CATSPERB: variants seen among roughly 807,000 people sequenced by gnomAD.
CATSPERB encodes the protein catsper channel auxiliary subunit beta, also known as cation channel sperm-associated auxiliary subunit beta.
In CATSPERB, 93 loss-of-function variants were observed where a neutral mutation model predicts 128.3. That is an observed-to-expected ratio of 0.72 (90% CI 0.61 to 0.86). The LOEUF (loss-of-function observed/expected upper bound fraction) is 0.86. Ranked by LOEUF, CATSPERB falls within the 40% of genes least tolerant of loss-of-function variation. CATSPERB has a pLI of 0.00. For missense variants in CATSPERB, 1,153 were observed against 1,329.5 expected, an observed-to-expected ratio of 0.87 and a Z score of 2.06; for synonymous variants, 381 against 448.8, an observed-to-expected ratio of 0.85 and a Z score of 1.91.
intron 15 of CATSPERB, among the ~76,000 whole-genome samples, chr14:91,640,565 G>C: frequency 1.0e-5 from 1 of 99,352 alleles, no homozygotes; most frequent in African/African-American, 4.1e-5. Flanking sequence ...CCCTACAAAG[G>C]ACATGAACTC....
chr14:91,646,981 G>A (rs897495644), intron 15 of CATSPERB, among the ~76,000 whole-genome samples: 1 of 152,228 alleles, frequency 6.6e-6, no homozygotes, highest in African/African-American at 2.4e-5. Context: ...CACTTTGGGA[G>A]GCTGAGGCGG....
At chr14:91,656,073 T>C (rs986306727) in intron 15 of CATSPERB, among the ~76,000 whole-genome samples, 1 of 152,128 alleles carries the variant, frequency 6.6e-6, no homozygotes, top group African/African-American at 2.4e-5. Context: ...CCCAGAATGG[T>C]ATATCTGGCA....
chr14:91,656,330 G>A (rs571517436), intron 15 of CATSPERB, among the ~76,000 whole-genome samples: 1 of 152,046 alleles, frequency 6.6e-6, no homozygotes, highest in Non-Finnish European at 1.5e-5. Flanking sequence ...CTCATATGTT[G>A]AGTAGAAAAA....
rs1446428594 is a variant in CATSPERB at position 91,693,237 on chromosome 14, T to C, written c.720A>G (p.Glu240=). 6 of 1,610,412 alleles carry C rather than the reference T, an allele frequency of 3.7e-6. No homozygotes were observed. In the South Asian group the frequency reaches 4.4e-5, roughly 12 times the overall value. ...TIYSQLQEEY[E]DLSLVDMVLT... ...AAACCATATCCACCAATGAAAGGTCTTCATATTCTAAACGAAGAAATCATA... is the reference window on the plus strand; with the variant it reads ...AAACCATATCCACCAATGAAAGGTCCTCATATTCTAAACGAAGAAATCATA... Residue 240 remains glutamate, a synonymous_variant, in exon 9 of 27, where the codon GAA becomes GAG. Coordinates refer to ENST00000256343, the MANE Select transcript of CATSPERB (RefSeq NM_024764.4).
Position 91,727,502 on chromosome 14 carries a change from CTT to C in CATSPERB, c.79+1897_79+1898del, listed in dbSNP as rs1445246415. ...CTTGAAATTCTATAAGTAAACATAT[CTT>C]TACAAATATCACAAATATGCAAAAT... is the stretch of plus-strand genomic sequence containing the variant. On this transcript the variant is annotated intron_variant, in intron 2 of 26. Transcript: ENST00000256343. Among the ~76,000 whole-genome samples the C allele has an allele frequency of 8.5e-5, 13 of 152,248 alleles. 1 individual carries two copies. The South Asian group carries it at 2.1e-3, about 24-fold the overall frequency.
chr14:91,704,804 T>A, intron 6 of CATSPERB, 103 bp from the exon 7 acceptor site: 1 of 1,224,390 alleles, frequency 8.2e-7, no homozygotes, highest in Non-Finnish European at 1.1e-6. Flanking sequence ...GAAACTATTC[T>A]ATAGTTCAAA....
intron 15 of CATSPERB, among the ~76,000 whole-genome samples, chr14:91,653,496 A>G (rs7143504): frequency 0.59 from 89,646 of 151,998 alleles, 27,145 homozygotes; most frequent in East Asian, 0.77. Context: ...AATTTACAAA[A>G]GAAAGACATT....
intron 5 of CATSPERB, among the ~76,000 whole-genome samples, chr14:91,717,761 C>A (rs945672762): frequency 9.2e-5 from 14 of 152,148 alleles, no homozygotes; most frequent in Non-Finnish European, 5.9e-5. Context: ...TCATAATACT[C>A]ATATTCATGC....
chr14:91,706,199 G>T (rs756817984), intron 6 of CATSPERB, among the ~76,000 whole-genome samples: 2 of 152,076 alleles, frequency 1.3e-5, no homozygotes, highest in Non-Finnish European at 2.9e-5. Context: ...TTTTCATCTG[G>T]GTTGACGTAG....
chr14:91,711,635 G>A (rs1329411884), intron 5 of CATSPERB, among the ~76,000 whole-genome samples: 1 of 152,172 alleles, frequency 6.6e-6, no homozygotes. Flanking sequence ...CTAATCAAAA[G>A]AAAGCTGTAG....
intron 23 of CATSPERB, among the ~76,000 whole-genome samples, chr14:91,591,270 G>A (rs867300298): frequency 1.3e-5 from 2 of 151,652 alleles, no homozygotes; most frequent in Middle Eastern, 3.2e-3. Context: ...GGTCAGACTG[G>A]TTTCGAACTC....
chr14:91,700,402 CA>C (rs1352809160), intron 7 of CATSPERB, among the ~76,000 whole-genome samples: 5 of 152,176 alleles, frequency 3.3e-5, no homozygotes, highest in African/African-American at 1.2e-4. Context: ...ATTTTGGTAT[CA>C]GGGTGATGCT....
At chr14:91,613,138 CT>C (rs1229127283) in intron 20 of CATSPERB, among the ~76,000 whole-genome samples, 1 of 151,940 alleles carries the variant, frequency 6.6e-6, no homozygotes, top group Non-Finnish European at 1.5e-5. Flanking sequence ...AGATAACATA[CT>C]TTTTTTAGAG....
intron 22 of CATSPERB, among the ~76,000 whole-genome samples, chr14:91,597,274 C>T (rs1893524658): frequency 6.6e-6 from 1 of 152,122 alleles, no homozygotes; most frequent in African/African-American, 2.4e-5. Context: ...AATAGGATTA[C>T]AGGTCATTGT....
intron 13 of CATSPERB, among the ~76,000 whole-genome samples, chr14:91,671,055 A>G (rs1895079718): frequency 6.6e-6 from 1 of 152,160 alleles, no homozygotes; most frequent in Non-Finnish European, 1.5e-5. Context: ...GACTGTTGAG[A>G]TTCAACAGAT....
At chr14:91,611,842 G>A (rs1893833972) in intron 20 of CATSPERB, among the ~76,000 whole-genome samples, 1 of 151,984 alleles carries the variant, frequency 6.6e-6, no homozygotes, top group African/African-American at 2.4e-5. Flanking sequence ...ACAACACATT[G>A]TATTCCTTAA....
chr14:91,605,121 C>G (rs1205295256), intron 22 of CATSPERB: 2 of 1,268,062 alleles, frequency 1.6e-6, no homozygotes, highest in Admixed American at 1.7e-5. Flanking sequence ...GTGGAAGAAT[C>G]AGGGCTGTCC....
chr14:91,653,560 G>A (rs1158182824), intron 15 of CATSPERB, among the ~76,000 whole-genome samples: 2 of 152,180 alleles, frequency 1.3e-5, no homozygotes, highest in Non-Finnish European at 2.9e-5. Flanking sequence ...TCATGGCAGA[G>A]GGTGGAAGGC....
At chr14:91,700,760 G>T (rs1332281329) in intron 7 of CATSPERB, among the ~76,000 whole-genome samples, 1 of 152,120 alleles carries the variant, frequency 6.6e-6, no homozygotes, top group Non-Finnish European at 1.5e-5. Context: ...CTCACTTGTA[G>T]GTGGGAGCTA....
Sources: allele counts gnomAD v4.1 joint callset (sites outside exome capture counted in the v4.1 genomes callset), GRCh38; gene constraint gnomAD v4.1.1; transcripts MANE v1.5; gene names NCBI Gene and HGNC (gene_info 2026-07-23, HGNC 2026-07-21).